HIF3A: variants seen among roughly 807,000 people sequenced by gnomAD.
The protein encoded by HIF3A is hypoxia inducible factor 3 subunit alpha.
A neutral mutation model predicts 67.2 loss-of-function variants in HIF3A; 41 were observed. That is an observed-to-expected ratio of 0.61 (90% CI 0.48 to 0.79). The LOEUF (loss-of-function observed/expected upper bound fraction) is 0.79, where lower values mean the gene tolerates loss of function less well. Among genes scored for constraint, HIF3A ranks in the 30% least tolerant of loss-of-function variants. HIF3A has a pLI of 0.00. For synonymous variants in HIF3A, 356 were observed against 374.8 expected (o/e 0.95, Z 0.58); for missense variants, 855 against 898.0 (o/e 0.95, Z 0.61).
chr19:46,298,452 C>T (rs1011853938), intron 1 of HIF3A: 2 of 1,288,246 alleles, frequency 1.6e-6, no homozygotes, highest in African/African-American at 1.5e-5. Context: ...CGGGTCCTGG[C>T]TGCACCGCAT....
At chr19:46,335,035 G>C in intron 14 of HIF3A, 49 bp downstream of exon 14, 1 of 1,489,264 alleles carries the variant, frequency 6.7e-7, no homozygotes, top group Non-Finnish European at 9.3e-7. Context: ...TTCTCCCCCG[G>C]GAGGTGCGAG....
At chr19:46,320,351 C>T (rs893574065) in intron 8 of HIF3A, 92 bp from the exon 9 acceptor site, 8 of 946,526 alleles carry the variant, frequency 8.5e-6, no homozygotes, top group Non-Finnish European at 1.2e-5. Context: ...GCGCCATTGC[C>T]TTCTGTAATA....
chr19:46,317,525 C>T (rs1239221449), intron 8 of HIF3A, among the ~76,000 whole-genome samples: 1 of 152,114 alleles, frequency 6.6e-6, no homozygotes, highest in Non-Finnish European at 1.5e-5. Context: ...TTTGCACAGG[C>T]AGTTCCTCCT....
In HIF3A at chr19:46,308,653, G is replaced by A; in HGVS notation, c.449-10G>A. 1 of 1,565,472 alleles carries A rather than the reference G, an allele frequency of 6.4e-7. No homozygotes were observed. The highest frequency in any genetic ancestry group is 8.7e-7 in the Non-Finnish European group (1 of 1,149,192). ...CCTGTGACCTCCCCGCTGCCCCCGGGCCTCCCCAGCCCTGTCCAGGAGGAA... is the reference window on the plus strand; with the variant it reads ...CCTGTGACCTCCCCGCTGCCCCCGGACCTCCCCAGCCCTGTCCAGGAGGAA... On this transcript the variant is annotated splice_polypyrimidine_tract_variant and intron_variant, in intron 4 of 14. Coordinates refer to ENST00000377670, the MANE Select transcript of HIF3A (RefSeq NM_152795.4).
chr19:46,319,828 A>G (rs970433807), intron 8 of HIF3A, among the ~76,000 whole-genome samples: 1 of 151,828 alleles, frequency 6.6e-6, no homozygotes, highest in Non-Finnish European at 1.5e-5. Flanking sequence ...CCCTTCCCTC[A>G]GTCTTCCTCC....
chr19:46,324,910 A>G (rs956066933), intron 10 of HIF3A, among the ~76,000 whole-genome samples: 1 of 146,054 alleles, frequency 6.8e-6, no homozygotes, highest in Non-Finnish European at 1.5e-5. Flanking sequence ...ATATATATAC[A>G]CACACACATA....
chr19:46,303,782 G>A, intron 1 of HIF3A, 116 bp from the exon 2 acceptor site: 1 of 1,497,310 alleles, frequency 6.7e-7, no homozygotes, highest in Non-Finnish European at 9.1e-7. Flanking sequence ...GGCCTGCGCA[G>A]CCGCGGCCCA....
intron 13 of HIF3A, among the ~76,000 whole-genome samples, chr19:46,333,788 CTTTTTTTTTTTTT>C (rs1165101162): frequency 1.9e-5 from 2 of 103,566 alleles, no homozygotes; most frequent in Non-Finnish European, 1.9e-5. Flanking sequence ...TTCTTTCTTT[CTTTTTTTTTTTTT>C]TTTTTTTTTG....
chr19:46,322,063 AG>A, intron 10 of HIF3A, 97 bp downstream of exon 10: 1 of 1,250,954 alleles, frequency 8.0e-7, no homozygotes, highest in Admixed American at 2.3e-5. Context: ...TCTGGGCCTC[AG>A]CTTCTCCATC....
chr19:46,334,044 C>T (rs895384437), intron 13 of HIF3A, among the ~76,000 whole-genome samples: 3 of 151,860 alleles, frequency 2.0e-5, no homozygotes, highest in Non-Finnish European at 4.4e-5. Flanking sequence ...CCGCCCAACT[C>T]GGCCTCCCAA....
At chr19:46,318,379 A>G (rs1158395589) in intron 8 of HIF3A, among the ~76,000 whole-genome samples, 1 of 151,578 alleles carries the variant, frequency 6.6e-6, no homozygotes, top group East Asian at 2.0e-4. Flanking sequence ...GGGAGACCCC[A>G]TCTTTACAAA....
Position 46,327,538 on chromosome 19 carries a change from A to C in HIF3A, c.1441-1669A>C, listed in dbSNP as rs187963186. On this transcript the variant is annotated intron_variant, in intron 11 of 14. Transcript: ENST00000377670. ...CACCAGGCTGGCTCAGAGACCACTT[A>C]TTAATGTTAGCATCATTTGCCATCT... Among the ~76,000 whole-genome samples, 686 of 152,156 alleles carry C rather than the reference A, an allele frequency of 4.5e-3. 4 individuals carry two copies. The highest frequency in any genetic ancestry group is 0.015 in the African/African-American group (630 of 41,538).
intron 11 of HIF3A, among the ~76,000 whole-genome samples, chr19:46,326,526 A>T (rs537601627): frequency 5.1e-4 from 77 of 152,218 alleles, no homozygotes; most frequent in African/African-American, 1.9e-3. Context: ...TCTCTCCCTC[A>T]TGCAAAATAC....
Position 46,339,684 on chromosome 19 carries a change from C to A in HIF3A, c.*62C>A. The A allele has an allele frequency of 6.3e-6, 8 of 1,265,036 alleles. No homozygotes were observed. In the South Asian group the frequency reaches 9.8e-5, roughly 15 times the overall value. The allele number at this position is 1,265,036 out of a possible 1,614,324, so 78.4% of individuals were successfully genotyped here. Reference sequence around the variant, plus strand: ...GAAAGGACCTCAACCACACTCCACGCCGGCAGCCAACGCACAGGATGGGGG... The same window carrying A: ...GAAAGGACCTCAACCACACTCCACGACGGCAGCCAACGCACAGGATGGGGG... On this transcript the variant is annotated 3_prime_UTR_variant, in exon 15 of 15. Transcript: ENST00000377670.
At chr19:46,308,396 C>T (rs1313464956) in intron 4 of HIF3A, 91 bp downstream of exon 4, 8 of 817,764 alleles carry the variant, frequency 9.8e-6, no homozygotes, top group South Asian at 1.6e-5. Flanking sequence ...TCCTGTGGAA[C>T]ACCAGACTAA....
chr19:46,330,871 G>A (rs559604440), intron 12 of HIF3A, among the ~76,000 whole-genome samples: 1 of 151,910 alleles, frequency 6.6e-6, no homozygotes, highest in African/African-American at 2.4e-5. Context: ...TGGATGGGTG[G>A]TGGATGGCTG....
Position 46,339,604 on chromosome 19 carries a change from C to T in HIF3A, c.1992C>T (p.Gly664=). 2.5e-6 allele frequency: 4 copies of T among 1,607,494 alleles called. No homozygotes were observed. Among genetic ancestry groups the T allele is most frequent in the Non-Finnish European group, 3.4e-6 (4 of 1,176,188 alleles). Residue 664 remains glycine, a synonymous_variant, in exon 15 of 15, where the codon GGC becomes GGT. Transcript: ENST00000377670. ...QPGGPFQPRA[G]SAQAD The stretch of plus-strand genomic sequence containing the variant: ...GGGGCCCCTTCCAGCCAAGGGCAGG[C>T]TCAGCCCAGGCTGACTGAGCCGGCT...
Position 46,297,293 on chromosome 19 carries a change from T to C in HIF3A, c.26+191T>C, listed in dbSNP as rs1041232839. Among the ~76,000 whole-genome samples the C allele has an allele frequency of 6.6e-5, 10 of 152,110 alleles. No individual in the cohort carries two copies. Among genetic ancestry groups the C allele is most frequent in the African/African-American group, 2.4e-4 (10 of 41,428 alleles). ...GCAGGGGTGGGGGATTCCCTACGTC[T>C]CTGGCTGCCCCGCCCCTCTGGCCAA... On this transcript the variant is annotated intron_variant, in intron 1 of 14. Transcript: ENST00000377670. This position sits in a 1 kb window ranked among gnomAD's most constrained non-coding sequence, Gnocchi z 4.5.
chr19:46,322,283 C>T (rs1387453860), intron 10 of HIF3A, among the ~76,000 whole-genome samples: 1 of 152,080 alleles, frequency 6.6e-6, no homozygotes, highest in Non-Finnish European at 1.5e-5. Context: ...TTCCCACACA[C>T]CAAGCAGCGG....
Sources: gnomAD v4.1 joint callset for allele counts (sites outside exome capture counted in the v4.1 genomes callset) on GRCh38, gnomAD v4.1.1 for gene constraint, Gnocchi (gnomAD v3.1) non-coding constraint, MANE v1.5 for transcripts, NCBI Gene and HGNC (gene_info 2026-07-23, HGNC 2026-07-21) for gene names.